Variants in RGS5 observed in about 807,000 individuals in gnomAD.
RGS5 encodes regulator of G-protein signalling 5.
In RGS5, 20 loss-of-function variants were observed where a neutral mutation model predicts 18.9. That is an observed-to-expected ratio of 1.06 (90% CI 0.74 to 1.54). The LOEUF (loss-of-function observed/expected upper bound fraction) is 1.54, where lower values mean the gene tolerates loss of function less well. RGS5 is among the 40% of genes most tolerant of loss of function. The probability of loss-of-function intolerance (pLI) is 0.00; values close to 1 mark genes in which losing one functional copy is unlikely to be tolerated. For synonymous variants in RGS5, 57 were observed against 76.2 expected (o/e 0.75, Z 1.31); for missense variants, 201 against 211.8 (o/e 0.95, Z 0.32).
At chr1:163,250,361 C>T (rs1648073256) in intron 2 of RGS5, among the ~76,000 whole-genome samples, 1 of 152,182 alleles carries the variant, frequency 6.6e-6, no homozygotes, top group Non-Finnish European at 1.5e-5. Context: ...CTTTAACCAT[C>T]AATATATCTT....
intron 1 of RGS5, among the ~76,000 whole-genome samples, chr1:163,320,040 T>C (rs2101656661): frequency 6.6e-6 from 1 of 152,322 alleles, no homozygotes; most frequent in Non-Finnish European, 1.5e-5. Flanking sequence ...ATCACATCAA[T>C]AGTAATATTA....
intron 2 of RGS5, among the ~76,000 whole-genome samples, chr1:163,166,079 A>T (rs1405569028): frequency 6.8e-6 from 1 of 148,006 alleles, no homozygotes; most frequent in Non-Finnish European, 1.5e-5. Flanking sequence ...CTGTTTCTAC[A>T]GTTAGTCAGT....
chr1:163,213,215 T>C (rs2036701), intron 1 of RGS5, among the ~76,000 whole-genome samples: 115,474 of 151,960 alleles, frequency 0.76, 44,955 homozygotes, highest in Non-Finnish European at 0.85. Context: ...TTAGTTGCTA[T>C]GCATTACTTG....
chr1:163,245,453 G>A (rs1647902842), intron 2 of RGS5, among the ~76,000 whole-genome samples: 1 of 152,110 alleles, frequency 6.6e-6, no homozygotes, highest in Non-Finnish European at 1.5e-5. Context: ...ATAAGATTTT[G>A]CTTCTAAAAC....
chr1:163,252,031 T>C lies in RGS5; in HGVS notation c.-281+54202A>G, dbSNP rs144408917. Among the ~76,000 whole-genome samples the C allele has an allele frequency of 7.6e-3, 1,154 of 152,302 alleles. 15 individuals are homozygous for C. Among genetic ancestry groups the C allele is most frequent in the Non-Finnish European group, 0.01 (697 of 68,010 alleles). On this transcript the variant is annotated intron_variant, in intron 2 of 5. Coordinates refer to the RGS5 transcript ENST00000618415. Reference sequence around the variant, plus strand: ...CTGAGATTAACACCCAGGAACATGATTGCTGGGTTGTATCTTAAATATATA... The same window carrying C: ...CTGAGATTAACACCCAGGAACATGACTGCTGGGTTGTATCTTAAATATATA...
chr1:163,185,705 C>A (rs1161644348), intron 1 of RGS5, among the ~76,000 whole-genome samples: 1 of 152,196 alleles, frequency 6.6e-6, no homozygotes, highest in Non-Finnish European at 1.5e-5. Flanking sequence ...AAGGTTGTTG[C>A]AACCTGAAGA....
chr1:163,233,619 G>A (rs555448554), intron 2 of RGS5, among the ~76,000 whole-genome samples: 2 of 152,332 alleles, frequency 1.3e-5, no homozygotes, highest in East Asian at 1.9e-4. Context: ...TCCAAAAAGA[G>A]AGTCAGCAAA....
chr1:163,313,644 A>C lies in RGS5; in HGVS notation c.-377-7315T>G, dbSNP rs75764450. On this transcript the variant is annotated intron_variant, in intron 1 of 5. Coordinates refer to the RGS5 transcript ENST00000618415. The stretch of plus-strand genomic sequence containing the variant: ...CAACAAAGCATAGCAAAGAAATTCA[A>C]AGTATCCAACCAACTAAACCCTTCC... Among the ~76,000 whole-genome samples, 474 of 152,294 alleles carry C rather than the reference A, an allele frequency of 3.1e-3. 8 individuals carry two copies. The highest frequency in any genetic ancestry group is 0.023 in the East Asian group (120 of 5,182).
chr1:163,275,462 T>C (rs1201074235), intron 2 of RGS5, among the ~76,000 whole-genome samples: 1 of 152,204 alleles, frequency 6.6e-6, no homozygotes, highest in East Asian at 1.9e-4. Flanking sequence ...ATCAACACTT[T>C]AAATGACTAA....
At chr1:163,147,797 T>C (rs1447554843) in intron 4 of RGS5, among the ~76,000 whole-genome samples, 1 of 114 alleles carries the variant, frequency 8.8e-3, no homozygotes, top group Non-Finnish European at 0.017. Flanking sequence ...TTTCCTTTTA[T>C]AGAAAAAAAT....
chr1:163,271,411 G>A (rs894107733), intron 2 of RGS5, among the ~76,000 whole-genome samples: 1 of 152,074 alleles, frequency 6.6e-6, no homozygotes, highest in Non-Finnish European at 1.5e-5. Context: ...AAGAGACTCG[G>A]GCTCGCTGTC....
At chr1:163,291,149 T>A in intron 2 of RGS5, among the ~76,000 whole-genome samples, 1 of 151,666 alleles carries the variant, frequency 6.6e-6, no homozygotes, top group Non-Finnish European at 1.5e-5. Context: ...AAAAAAAGGT[T>A]CTCTGTAGAA....
intron 1 of RGS5, among the ~76,000 whole-genome samples, chr1:163,185,670 T>C (rs1659040456): frequency 6.6e-6 from 1 of 152,230 alleles, no homozygotes; most frequent in South Asian, 2.1e-4. Flanking sequence ...TTCCCTGTTC[T>C]AGATCCTTTC....
In RGS5 at chr1:163,187,684, A is replaced by T. The variant is rs577357155; in HGVS notation, c.44+15108T>A. ...ACCAGGTAGGGCATAGGAACTCCGC[A>T]CCCCCTCCCCCATGCCTCACCCTAG... On this transcript the variant is annotated intron_variant, in intron 1 of 4. Transcript: ENST00000313961. Among the ~76,000 whole-genome samples, 5 of 151,656 alleles carry T rather than the reference A, an allele frequency of 3.3e-5. No individual in the cohort carries two copies. The East Asian group carries it at 7.8e-4, about 24-fold the overall frequency.
At chr1:163,291,901 G>A in intron 2 of RGS5, among the ~76,000 whole-genome samples, 1 of 152,144 alleles carries the variant, frequency 6.6e-6, no homozygotes, top group Admixed American at 6.5e-5. Context: ...CATGATCTCT[G>A]TGGCAATTGA....
intron 2 of RGS5, among the ~76,000 whole-genome samples, chr1:163,243,880 T>C (rs1647864664): frequency 6.6e-6 from 1 of 151,658 alleles, no homozygotes; most frequent in Non-Finnish European, 1.5e-5. Flanking sequence ...GATAGAATAT[T>C]GTATTGGTTA....
intron 1 of RGS5, among the ~76,000 whole-genome samples, chr1:163,195,223 G>T (rs1362513272): frequency 6.6e-6 from 1 of 152,186 alleles, no homozygotes; most frequent in Non-Finnish European, 1.5e-5. Flanking sequence ...TAAAGACAAT[G>T]TGGTATACAT....
chr1:163,278,195 G>T (rs556487496), intron 2 of RGS5, among the ~76,000 whole-genome samples: 1 of 151,958 alleles, frequency 6.6e-6, no homozygotes. Flanking sequence ...ATCCAAAAAG[G>T]TCCTGTCTGA....
intron 1 of RGS5, among the ~76,000 whole-genome samples, chr1:163,196,855 T>C (rs1177304271): frequency 6.6e-6 from 1 of 152,192 alleles, no homozygotes; most frequent in Non-Finnish European, 1.5e-5. Flanking sequence ...GATACTGTTC[T>C]TGGTCTCCCC....
Sources: allele counts gnomAD v4.1 joint callset (sites outside exome capture counted in the v4.1 genomes callset), GRCh38; gene constraint gnomAD v4.1.1; transcripts MANE v1.5; gene names NCBI Gene and HGNC (gene_info 2026-07-23, HGNC 2026-07-21).